ACBD5: variants seen among roughly 807,000 people sequenced by gnomAD.
ACBD5 encodes acyl-CoA binding domain containing 5.
A neutral mutation model predicts 71.8 loss-of-function variants in ACBD5; 40 were observed. The ratio of observed to expected loss-of-function variants is 0.56; its 90% CI spans 0.43 to 0.72. The LOEUF (loss-of-function observed/expected upper bound fraction) is 0.72, where lower values mean the gene tolerates loss of function less well. Among genes scored for constraint, ACBD5 ranks in the 30% least tolerant of loss-of-function variants. ACBD5 has a pLI of 0.00. For missense variants in ACBD5, 559 were observed against 644.5 expected, an observed-to-expected ratio of 0.87 and a Z score of 1.44; for synonymous variants, 229 against 218.6, an observed-to-expected ratio of 1.05 and a Z score of -0.42.
chr10:27,211,624 G>A (rs2061090142), intron 8 of ACBD5, among the ~76,000 whole-genome samples: 1 of 151,894 alleles, frequency 6.6e-6, no homozygotes, highest in Admixed American at 6.6e-5. Flanking sequence ...CGCCCAGTGA[G>A]TTGTTTTTGT....
intron 4 of ACBD5, among the ~76,000 whole-genome samples, chr10:27,224,815 G>C (rs1477706886): frequency 6.6e-6 from 1 of 152,130 alleles, no homozygotes; most frequent in East Asian, 1.9e-4. Context: ...AGGATCACCT[G>C]AGGTCAGGAG....
rs788205 is a variant in ACBD5, at chr10:27,204,852, G to A, written c.1456-303C>T. The stretch of plus-strand genomic sequence containing the variant: ...TGTAACATATGAAACCATGGGCCGG[G>A]CGCGGTGGCTCACACCTGTAATCCC... On this transcript the variant is annotated intron_variant, in intron 11 of 12. Transcript: ENST00000396271. 0.18 allele frequency among the ~76,000 whole-genome samples: 27,573 copies of A among 152,170 alleles called. 3,018 individuals carry two copies. The highest frequency in any genetic ancestry group is 0.29 in the East Asian group (1,483 of 5,178).
rs1405707372 is a variant in ACBD5, at chr10:27,217,996, A to G, written c.813T>C (p.Ala271=). The G allele has an allele frequency of 9.3e-6, 15 of 1,614,164 alleles. No homozygotes were observed. Among genetic ancestry groups the G allele is most frequent in the Non-Finnish European group, 1.3e-5 (15 of 1,180,000 alleles). Residue 271 remains alanine, a synonymous_variant, in exon 7 of 13, where the codon GCT becomes GCC. Transcript: ENST00000396271. ...DENLGQTGKS[A]VCIHQDINDD... is the part of the protein sequence containing the mutation. ...GGACAATACCTTGGTGAATGCAAAC[A>G]GCAGATTTTCCAGTTTGCCCCAAGT...
intron 8 of ACBD5, among the ~76,000 whole-genome samples, chr10:27,215,316 T>C (rs1201277908): frequency 6.6e-6 from 1 of 151,170 alleles, no homozygotes; most frequent in Non-Finnish European, 1.5e-5. Context: ...TTATTAGTTA[T>C]AATGGAGTAG....
At chr10:27,190,506 G>A (rs1055405228), downstream of ACBD5, among the ~76,000 whole-genome samples, 14 of 152,288 alleles carry the variant, frequency 9.2e-5, no homozygotes, top group Middle Eastern at 6.8e-3. Flanking sequence ...TTGGGTTCGG[G>A]AAGTGGTAAC....
intron 13 of ACBD5, among the ~76,000 whole-genome samples, chr10:27,184,907 G>C (rs923936950): frequency 6.6e-6 from 1 of 152,152 alleles, no homozygotes; most frequent in South Asian, 2.1e-4. Context: ...TAGGAACAAT[G>C]ACAGGTAATG....
intron 13 of ACBD5, among the ~76,000 whole-genome samples, chr10:27,185,062 T>C (rs1386666373): frequency 6.6e-6 from 1 of 152,186 alleles, no homozygotes; most frequent in Non-Finnish European, 1.5e-5. Context: ...CAAAGAACCA[T>C]GAAGAGAACG....
At chr10:27,229,711 A>G (rs2780672) in intron 4 of ACBD5, among the ~76,000 whole-genome samples, 80,839 of 152,060 alleles carry the variant, frequency 0.53, 23,962 homozygotes, top group Non-Finnish European at 0.68. Context: ...TTATTAACTG[A>G]TAGTCATAAA....
At chr10:27,205,343 AG>A (rs2060377033) in intron 10 of ACBD5, 95 bp from the exon 11 acceptor site, 3 of 1,337,252 alleles carry the variant, frequency 2.2e-6, no homozygotes, top group Admixed American at 3.4e-5. Context: ...AGAAATATTG[AG>A]GTTTTTTTTG....
At chr10:27,224,566 T>C (rs930851034) in intron 4 of ACBD5, among the ~76,000 whole-genome samples, 7 of 152,200 alleles carry the variant, frequency 4.6e-5, no homozygotes, top group Non-Finnish European at 1.0e-4. Flanking sequence ...TGGGCCAATT[T>C]AGAATCACCA....
At position 27,223,457 on chromosome 10, in the gene ACBD5, A is replaced by G; in HGVS notation, c.376-5T>C. The G allele has an allele frequency of 6.3e-7, 1 of 1,596,764 alleles. No individual in the cohort carries two copies. The highest frequency in any genetic ancestry group is 1.3e-5 in the African/African-American group (1 of 74,714). On this transcript the variant is annotated splice_region_variant and splice_polypyrimidine_tract_variant and intron_variant, in intron 4 of 12. Transcript: ENST00000396271. ...CATTGGCATAGTTTCAATAATCTGT[A>G]ATCAAAAGAAACAAATATTGTGAAA...
chr10:27,184,971 C>T (rs2058583583), intron 13 of ACBD5, among the ~76,000 whole-genome samples: 2 of 152,034 alleles, frequency 1.3e-5, no homozygotes, highest in African/African-American at 2.4e-5. Flanking sequence ...CAGAGCAGCT[C>T]AGTGATATAG....
At chr10:27,236,048 A>T (rs2064637466) in intron 2 of ACBD5, among the ~76,000 whole-genome samples, 1 of 151,744 alleles carries the variant, frequency 6.6e-6, no homozygotes, top group Non-Finnish European at 1.5e-5. Context: ...GGGGAGGTCA[A>T]GGATGCAGTG....
At chr10:27,223,208 T>G (rs202152944) in intron 5 of ACBD5, 130 bp downstream of exon 5, 51 of 755,822 alleles carry the variant, frequency 6.7e-5, no homozygotes, top group Admixed American at 3.8e-4. Flanking sequence ...GATTCCTACC[T>G]TCTAAACATT....
At chr10:27,198,804 T>C (rs906769895) in intron 12 of ACBD5, among the ~76,000 whole-genome samples, 28 of 152,150 alleles carry the variant, frequency 1.8e-4, no homozygotes, top group African/African-American at 6.3e-4. Context: ...ACACAATCCT[T>C]TGCAGATTTA....
intron 12 of ACBD5, among the ~76,000 whole-genome samples, chr10:27,203,422 A>G (rs1272435588): frequency 6.6e-6 from 1 of 152,174 alleles, no homozygotes; most frequent in Non-Finnish European, 1.5e-5. Context: ...GTCATCCCAA[A>G]CTGGAAATCT....
intron 12 of ACBD5, among the ~76,000 whole-genome samples, chr10:27,201,770 T>G (rs2136664771): frequency 6.6e-6 from 1 of 152,340 alleles, no homozygotes; most frequent in South Asian, 2.1e-4. Flanking sequence ...GCAAGTGCAC[T>G]CCAGCCTCCA....
At position 27,195,761 on chromosome 10, in the gene ACBD5, A is replaced by G; in HGVS notation, c.*1669T>C. On this transcript the variant is annotated 3_prime_UTR_variant, in exon 13 of 13. Transcript: ENST00000396271. Reference sequence around the variant, plus strand: ...ATTTGAAAGAAAAAAATAAGGAAAAAGAGTTTGGGAAAAGTAAATTGTATT... The same window carrying G: ...ATTTGAAAGAAAAAAATAAGGAAAAGGAGTTTGGGAAAAGTAAATTGTATT... The G allele has an allele frequency of 2.4e-6, 1 of 411,952 alleles. No homozygotes were observed. 25.5% of individuals were successfully genotyped at this position (411,952 alleles called of 1,614,324 possible). A position where few individuals can be genotyped will look rare whatever the true frequency, so the allele number is the denominator to read the frequency against.
chr10:27,242,069 C>T, upstream of ACBD5: 1 of 453,482 alleles, frequency 2.2e-6, no homozygotes, highest in Non-Finnish European at 4.4e-6. Flanking sequence ...CTTGGTATTG[C>T]CGGACAAGGC....
Sources: gnomAD v4.1 joint callset for allele counts (sites outside exome capture counted in the v4.1 genomes callset) on GRCh38, gnomAD v4.1.1 for gene constraint, MANE v1.5 for transcripts, NCBI Gene and HGNC (gene_info 2026-07-23, HGNC 2026-07-21) for gene names.